Variants in ELF2 observed in about 807,000 individuals in gnomAD.
ELF2 encodes ETS-related transcription factor Elf-2.
ELF2 carries 11 observed loss-of-function variants against 54.8 expected under a neutral mutation model. That is an observed-to-expected ratio of 0.20 (90% confidence interval 0.13 to 0.33). The LOEUF (loss-of-function observed/expected upper bound fraction) is 0.33. ELF2 is among the 10% of genes least tolerant of loss of function. The pLI, the probability that ELF2 is intolerant of heterozygous loss-of-function variation, is 1.00. For missense variants in ELF2, 513 were observed against 703.0 expected (o/e 0.73, Z 3.06); for synonymous variants, 203 against 245.1 (o/e 0.83, Z 1.61).
intron 1 of ELF2, among the ~76,000 whole-genome samples, chr4:139,166,461 C>T (rs146024204): frequency 1.3e-3 from 191 of 152,060 alleles, no homozygotes; most frequent in East Asian, 6.2e-3. Flanking sequence ...AAGATTTGTA[C>T]GCTTAAATAT....
At chr4:139,072,427 A>AT (rs1729647050) in intron 5 of ELF2, among the ~76,000 whole-genome samples, 1 of 152,200 alleles carries the variant, frequency 6.6e-6, no homozygotes. Flanking sequence ...ATCCGTCATT[A>AT]TTTTTTAACA....
intron 5 of ELF2, 29 bp downstream of exon 5, chr4:139,073,425 T>A: frequency 6.7e-7 from 1 of 1,501,486 alleles, no homozygotes; most frequent in South Asian, 1.2e-5. Flanking sequence ...GTATGACACG[T>A]TTAACATAAG....
chr4:139,084,933 C>T (rs772886343), intron 4 of ELF2, among the ~76,000 whole-genome samples: 27 of 152,154 alleles, frequency 1.8e-4, no homozygotes, highest in Non-Finnish European at 2.9e-4. Flanking sequence ...TCGTCCTTTT[C>T]CCTTAACAGA....
chr4:139,066,579 G>T (rs1463144195), intron 7 of ELF2: 1 of 151,986 alleles, frequency 6.6e-6, no homozygotes, highest in African/African-American at 2.4e-5. Context: ...TTTTAATCAG[G>T]ATACACAAAT....
intron 1 of ELF2, among the ~76,000 whole-genome samples, chr4:139,139,786 G>C (rs1360518534): frequency 6.6e-6 from 1 of 151,874 alleles, no homozygotes; most frequent in Non-Finnish European, 1.5e-5. Context: ...TTTCAAACAG[G>C]TTCTTTTTTT....
intron 4 of ELF2, among the ~76,000 whole-genome samples, chr4:139,082,082 T>C (rs772577313): frequency 3.3e-5 from 5 of 152,158 alleles, no homozygotes; most frequent in African/African-American, 7.2e-5. Flanking sequence ...CTACAGGCCA[T>C]ATTCAGTTTC....
At position 139,147,778 on chromosome 4, in the gene ELF2, ATTT is replaced by A. The variant is rs767408414; in HGVS notation, c.-251-8284_-251-8282del. Among the ~76,000 whole-genome samples, 185 of 120,132 alleles carry A rather than the reference ATTT, an allele frequency of 1.5e-3. 1 individual carries two copies. Among genetic ancestry groups the A allele is most frequent in the African/African-American group, 5.5e-3 (175 of 32,056 alleles). 78.8% of individuals were successfully genotyped at this position (120,132 alleles called of 152,430 possible). A position where few individuals can be genotyped will look rare whatever the true frequency, so the allele number is the denominator to read the frequency against. On this transcript the variant is annotated intron_variant, in intron 1 of 9. Coordinates refer to ENST00000686138, the MANE Select transcript of ELF2 (RefSeq NM_001331036.3). ...CGTCAGCCACGGCACCCAGCCAGAG[ATTT>A]TTTTTTTTTTTTTTTTTTTCCTGAG...
chr4:139,156,922 C>T (rs1198469420), intron 1 of ELF2, among the ~76,000 whole-genome samples: 1 of 152,182 alleles, frequency 6.6e-6, no homozygotes, highest in Non-Finnish European at 1.5e-5. Flanking sequence ...GCATGAGCCA[C>T]CACACCCAGC....
chr4:139,121,169 C>T (rs1211205038), intron 4 of ELF2, among the ~76,000 whole-genome samples: 5 of 123,628 alleles, frequency 4.0e-5, no homozygotes, highest in Admixed American at 2.2e-4. Context: ...AGTGCAGTGG[C>T]GCGATCTCGG....
intron 4 of ELF2, among the ~76,000 whole-genome samples, chr4:139,089,641 AT>A: frequency 1.3e-5 from 2 of 152,308 alleles, no homozygotes; most frequent in South Asian, 4.1e-4. Flanking sequence ...TCTAAAATGT[AT>A]TTTTTAATCA....
intron 1 of ELF2, among the ~76,000 whole-genome samples, chr4:139,169,289 G>A (rs2129683): frequency 0.36 from 53,234 of 148,932 alleles, 10,385 homozygotes; most frequent in African/African-American, 0.53. Context: ...CAGAGGTTGC[G>A]GCAAGCCGAG....
intron 4 of ELF2, among the ~76,000 whole-genome samples, chr4:139,110,670 C>T (rs1286547645): frequency 6.6e-6 from 1 of 152,022 alleles, no homozygotes; most frequent in Non-Finnish European, 1.5e-5. Context: ...AAGATACTCA[C>T]AACCTCTCAT....
At chr4:139,121,964 C>T (rs1354608488) in intron 4 of ELF2, among the ~76,000 whole-genome samples, 3 of 152,012 alleles carry the variant, frequency 2.0e-5, no homozygotes, top group African/African-American at 7.2e-5. Context: ...CTTTTATATG[C>T]AAAATAATAA....
rs1297228043 is a variant in ELF2 at position 139,066,296 on chromosome 4, T to G, written c.613+1388A>C. 4 of 151,942 alleles carry G rather than the reference T, an allele frequency of 2.6e-5. No individual in the cohort carries two copies. In the East Asian group the frequency reaches 7.7e-4, roughly 29 times the overall value. The allele number at this position is 151,942 out of a possible 1,614,324, so 9.4% of individuals were successfully genotyped here. On this transcript the variant is annotated intron_variant, in intron 7 of 9. Transcript: ENST00000686138. ...ACCACTACTGAAATGATACTTTATC[T>G]GTCAGAATCTGAGTGACAAGAAAAT...
In ELF2 at chr4:139,143,489, AC is replaced by A. The variant is rs1463652950; in HGVS notation, c.-251-3993del. 5.3e-5 allele frequency among the ~76,000 whole-genome samples: 8 copies of A among 152,300 alleles called. No homozygotes were observed. In the South Asian group the frequency reaches 8.3e-4, roughly 16 times the overall value. Reference sequence around the variant, plus strand: ...CCCTTTTGAGAGCCACACATTAAAGACCAGGACATTTGGCTGGGCACAGTGG... The same window carrying A: ...CCCTTTTGAGAGCCACACATTAAAGACAGGACATTTGGCTGGGCACAGTGG... On this transcript the variant is annotated intron_variant, in intron 1 of 9. Transcript: ENST00000686138.
At chr4:139,093,950 G>A (rs1732963705) in intron 4 of ELF2, among the ~76,000 whole-genome samples, 1 of 141,200 alleles carries the variant, frequency 7.1e-6, no homozygotes, top group African/African-American at 2.6e-5. Flanking sequence ...CCAGGCTGGA[G>A]TGCAATGGCG....
intron 1 of ELF2, among the ~76,000 whole-genome samples, chr4:139,150,451 T>C (rs1288249626): frequency 2.0e-5 from 3 of 147,038 alleles, no homozygotes; most frequent in East Asian, 2.0e-4. Context: ...CCCAGGAGAT[T>C]GAGGCTGCAG....
chr4:139,088,110 C>T (rs1171255386), intron 4 of ELF2, among the ~76,000 whole-genome samples: 1 of 151,678 alleles, frequency 6.6e-6, no homozygotes, highest in Non-Finnish European at 1.5e-5. Flanking sequence ...AAGGTGGTGA[C>T]AGCCCGTCTC....
chr4:139,083,916 G>A (rs990659198), intron 4 of ELF2, among the ~76,000 whole-genome samples: 2 of 152,210 alleles, frequency 1.3e-5, no homozygotes, highest in Non-Finnish European at 2.9e-5. Flanking sequence ...TGAAGCGACA[G>A]CGCCGGATTC....
Sources: gnomAD v4.1 joint callset for allele counts (sites outside exome capture counted in the v4.1 genomes callset) on GRCh38, gnomAD v4.1.1 for gene constraint, MANE v1.5 for transcripts, NCBI Gene and HGNC (gene_info 2026-07-23, HGNC 2026-07-21) for gene names.